CAMK2D: variants seen among roughly 807,000 people sequenced by gnomAD.
CAMK2D encodes calcium/calmodulin dependent protein kinase II delta.
CAMK2D carries 37 observed loss-of-function variants against 84.0 expected under a neutral mutation model. The observed-to-expected ratio is 0.44, with a 90% confidence interval of 0.34 to 0.58. CAMK2D has a LOEUF of 0.58. Ranked by LOEUF, CAMK2D falls within the 20% of genes least tolerant of loss-of-function variation. The pLI is 0.02. For missense variants in CAMK2D, 448 were observed against 652.5 expected (o/e 0.69, Z 3.41); for synonymous variants, 202 against 212.5 (o/e 0.95, Z 0.43).
intron 4 of CAMK2D, among the ~76,000 whole-genome samples, chr4:113,570,381 A>G (rs1300077656): frequency 3.3e-5 from 5 of 152,208 alleles, no homozygotes; most frequent in African/African-American, 4.8e-5. Flanking sequence ...GCATCACACT[A>G]TCTGATTTCA....
intron 3 of CAMK2D, among the ~76,000 whole-genome samples, chr4:113,634,229 G>A (rs571149079): frequency 2.0e-5 from 3 of 152,238 alleles, no homozygotes; most frequent in South Asian, 2.1e-4. Context: ...TCATTTACAC[G>A]TTGTAGGGAA....
At chr4:113,489,091 G>A (rs933765437) in intron 16 of CAMK2D, among the ~76,000 whole-genome samples, 1 of 152,018 alleles carries the variant, frequency 6.6e-6, no homozygotes, top group Non-Finnish European at 1.5e-5. Context: ...TACTAATTCT[G>A]ATACAACACT....
chr4:113,689,231 C>T (rs922535361), intron 2 of CAMK2D, among the ~76,000 whole-genome samples: 10 of 151,516 alleles, frequency 6.6e-5, no homozygotes, highest in South Asian at 2.1e-4. Flanking sequence ...GGCAACAGAG[C>T]GAGACTCCAT....
In CAMK2D at chr4:113,663,590, AAATAATAAT is replaced by A. The variant is rs10525797; in HGVS notation, c.161-1827_161-1819del. 3.9e-4 allele frequency among the ~76,000 whole-genome samples: 57 copies of A among 146,002 alleles called. 1 individual carries two copies. Among genetic ancestry groups the A allele is most frequent in the Non-Finnish European group, 7.3e-4 (49 of 67,008 alleles). ...GGTGACAGCGGGAGGCTCTGTCTAA[AAATAATAAT>A]AATAATAATAATAATAATAATAAAG... is the stretch of plus-strand genomic sequence containing the variant. On this transcript the variant is annotated intron_variant, in intron 2 of 20. Transcript: ENST00000511664.
intron 17 of CAMK2D, among the ~76,000 whole-genome samples, chr4:113,463,670 C>G (rs1390766736): frequency 1.3e-5 from 2 of 152,200 alleles, no homozygotes; most frequent in Non-Finnish European, 2.9e-5. Flanking sequence ...GACATCGCAC[C>G]TGGCACTTTT....
chr4:113,761,454 A>T lies in CAMK2D; in HGVS notation c.-386T>A. The T allele has an allele frequency of 8.6e-7, 1 of 1,159,520 alleles. No individual in the cohort carries two copies. The allele number at this position is 1,159,520 out of a possible 1,614,324, so 71.8% of individuals were successfully genotyped here. The stretch of plus-strand genomic sequence containing the variant: ...ACGAGTGGCAAGCAGTTGCGAAACG[A>T]TCCGCACTGGAGCAGGAGGAGTAGA... On this transcript the variant is annotated 5_prime_UTR_variant, in exon 1 of 21. Transcript: ENST00000511664.
intron 2 of CAMK2D, among the ~76,000 whole-genome samples, chr4:113,671,631 G>A (rs2099285303): frequency 6.6e-6 from 1 of 152,128 alleles, no homozygotes; most frequent in African/African-American, 2.4e-5. Flanking sequence ...TGTAGTTTAG[G>A]TTTAATAAAA....
chr4:113,552,801 AGT>A (rs1457296470), intron 4 of CAMK2D, among the ~76,000 whole-genome samples: 1 of 152,246 alleles, frequency 6.6e-6, no homozygotes, highest in African/African-American at 2.4e-5. Context: ...TGGGTGAAAG[AGT>A]ACCCACATTT....
At chr4:113,579,570 CCT>C (rs2154239379) in intron 4 of CAMK2D, among the ~76,000 whole-genome samples, 1 of 152,152 alleles carries the variant, frequency 6.6e-6, no homozygotes, top group African/African-American at 2.4e-5. Context: ...TACTTCTTCC[CCT>C]CTCTCTTGCT....
chr4:113,609,056 C>A (rs1420649494), intron 4 of CAMK2D, 96 bp downstream of exon 4: 9 of 643,528 alleles, frequency 1.4e-5, no homozygotes, highest in Non-Finnish European at 2.0e-5. Context: ...AATATTGTAG[C>A]AGTCAGTAAT....
intron 2 of CAMK2D, among the ~76,000 whole-genome samples, chr4:113,706,756 A>G (rs2099458564): frequency 1.3e-5 from 2 of 152,204 alleles, no homozygotes; most frequent in African/African-American, 2.4e-5. Context: ...GTGGATTAGA[A>G]GTGCTTTTAA....
At chr4:113,617,445 A>G (rs1227264333) in intron 3 of CAMK2D, among the ~76,000 whole-genome samples, 1 of 151,314 alleles carries the variant, frequency 6.6e-6, no homozygotes, top group East Asian at 1.9e-4. Flanking sequence ...ACTGAGCAAC[A>G]GAGTGATACC....
At chr4:113,506,648 C>T (rs933973244) in intron 13 of CAMK2D, among the ~76,000 whole-genome samples, 7 of 152,210 alleles carry the variant, frequency 4.6e-5, no homozygotes, top group South Asian at 2.1e-4. Flanking sequence ...AAAACATAGC[C>T]GGCTTCCTGT....
At chr4:113,700,262 T>G (rs2099413971) in intron 2 of CAMK2D, among the ~76,000 whole-genome samples, 1 of 152,212 alleles carries the variant, frequency 6.6e-6, no homozygotes, top group South Asian at 2.1e-4. Context: ...TCTTTACTTT[T>G]GTCAATAAAA....
intron 2 of CAMK2D, among the ~76,000 whole-genome samples, chr4:113,713,491 AATATG>A (rs1421195275): frequency 1.3e-5 from 2 of 148,258 alleles, no homozygotes; most frequent in African/African-American, 4.9e-5. Context: ...TATTATATAT[AATATG>A]ATAACAATAT....
chr4:113,732,415 GC>G (rs1189789830), intron 2 of CAMK2D, among the ~76,000 whole-genome samples: 1 of 152,052 alleles, frequency 6.6e-6, no homozygotes, highest in African/African-American at 2.4e-5. Flanking sequence ...GAGCCACCGT[GC>G]CCCACCCTGC....
chr4:113,516,360 C>T lies in CAMK2D; in HGVS notation c.697-1169G>A, dbSNP rs145139140. Among the ~76,000 whole-genome samples the T allele has an allele frequency of 2.2e-3, 342 of 152,144 alleles. 4 individuals are homozygous for T. The highest frequency in any genetic ancestry group is 0.018 in the South Asian group (85 of 4,822). ...TACAGGTCTTCTGATAGCAAATGAG[C>T]GGTAGGTTCAGCATGAAGAAAGGTG... On this transcript the variant is annotated intron_variant, in intron 9 of 20. Transcript: ENST00000511664.
intron 3 of CAMK2D, among the ~76,000 whole-genome samples, chr4:113,658,040 G>T (rs1482408236): frequency 1.3e-5 from 2 of 152,140 alleles, no homozygotes; most frequent in Non-Finnish European, 2.9e-5. Context: ...AGTGATTCAT[G>T]TGGTGCTGTT....
chr4:113,534,099 C>T (rs1294081714), intron 7 of CAMK2D, among the ~76,000 whole-genome samples: 1 of 151,952 alleles, frequency 6.6e-6, no homozygotes, highest in Non-Finnish European at 1.5e-5. Context: ...AATAACAAAG[C>T]TTTTCCTCCA....
Sources: allele counts gnomAD v4.1 joint callset (sites outside exome capture counted in the v4.1 genomes callset), GRCh38; gene constraint gnomAD v4.1.1; transcripts MANE v1.5; gene names NCBI Gene and HGNC (gene_info 2026-07-23, HGNC 2026-07-21).